The following SMYD3 variants were observed in gnomAD, a reference collection of about 807,000 sequenced individuals.
SMYD3 encodes histone-lysine N-methyltransferase SMYD3.
SMYD3 carries 36 observed loss-of-function variants against 57.7 expected under a neutral mutation model. The ratio of observed to expected loss-of-function variants is 0.62; its 90% CI spans 0.48 to 0.82. The LOEUF (loss-of-function observed/expected upper bound fraction) is 0.82. SMYD3 is among the 40% of genes least tolerant of loss of function. SMYD3 has a pLI of 0.00. For missense variants in SMYD3, 515 were observed against 538.8 expected (o/e 0.96, Z 0.44); for synonymous variants, 211 against 195.0 (o/e 1.08, Z -0.68).
intron 10 of SMYD3, among the ~76,000 whole-genome samples, chr1:245,798,524 T>C (rs1232491837): frequency 1.6e-5 from 2 of 125,836 alleles, no homozygotes; most frequent in African/African-American, 6.8e-5. Context: ...TTCCCCATGC[T>C]TAAGAGCCAC....
chr1:246,119,795 T>C (rs922282597), intron 5 of SMYD3, among the ~76,000 whole-genome samples: 2 of 152,196 alleles, frequency 1.3e-5, no homozygotes, highest in Admixed American at 6.5e-5. Context: ...TCTCCTGCCA[T>C]GTACGACATA....
chr1:246,205,027 T>C (rs909393331), intron 5 of SMYD3, among the ~76,000 whole-genome samples: 4 of 152,098 alleles, frequency 2.6e-5, no homozygotes, highest in Non-Finnish European at 5.9e-5. Context: ...CGGAGGGGGT[T>C]CCTTTGAACC....
intron 5 of SMYD3, among the ~76,000 whole-genome samples, chr1:245,984,111 T>TGC (rs2058655554): frequency 6.6e-6 from 1 of 151,754 alleles, no homozygotes; most frequent in Admixed American, 6.6e-5. Context: ...GCGATTCTCC[T>TGC]GCCTCAGCCA....
At chr1:246,404,872 G>A (rs1453262919) in intron 1 of SMYD3, among the ~76,000 whole-genome samples, 1 of 152,040 alleles carries the variant, frequency 6.6e-6, no homozygotes, top group Non-Finnish European at 1.5e-5. Context: ...AAAGTGCTTT[G>A]GGCAGTCCTG....
chr1:246,199,689 CAGG>C (rs2062879573), intron 5 of SMYD3, among the ~76,000 whole-genome samples: 2 of 152,274 alleles, frequency 1.3e-5, no homozygotes, highest in African/African-American at 4.8e-5. Flanking sequence ...GGATGCTTAC[CAGG>C]AGATCTTGAT....
At chr1:246,241,369 G>T (rs1014587043) in intron 5 of SMYD3, among the ~76,000 whole-genome samples, 4 of 152,114 alleles carry the variant, frequency 2.6e-5, no homozygotes, top group Non-Finnish European at 5.9e-5. Flanking sequence ...TTTGCCTTTG[G>T]TTCTGTTTAT....
chr1:246,250,592 G>A (rs1363847969), intron 5 of SMYD3, among the ~76,000 whole-genome samples: 1 of 152,138 alleles, frequency 6.6e-6, no homozygotes, highest in Non-Finnish European at 1.5e-5. Context: ...TGGTAGCAGA[G>A]TATCGTGTGT....
At chr1:246,154,408 T>G (rs1401878955) in intron 5 of SMYD3, among the ~76,000 whole-genome samples, 1 of 152,154 alleles carries the variant, frequency 6.6e-6, no homozygotes, top group Non-Finnish European at 1.5e-5. Flanking sequence ...GCTTCAGGGC[T>G]TAAGTCTTCA....
intron 1 of SMYD3, among the ~76,000 whole-genome samples, chr1:246,363,212 G>A (rs1195567300): frequency 2.0e-5 from 3 of 150,644 alleles, no homozygotes; most frequent in African/African-American, 7.3e-5. Flanking sequence ...GAAGTGAGGA[G>A]CGTCTCCGCC....
At chr1:246,246,401 A>AATATATTT (rs2063705481) in intron 5 of SMYD3, among the ~76,000 whole-genome samples, 1 of 152,176 alleles carries the variant, frequency 6.6e-6, no homozygotes. Flanking sequence ...CTGGAAAGTA[A>AATATATTT]GTCTATTTGA....
chr1:246,209,266 C>T (rs1558317140), intron 5 of SMYD3, among the ~76,000 whole-genome samples: 1 of 151,980 alleles, frequency 6.6e-6, no homozygotes, highest in Non-Finnish European at 1.5e-5. Flanking sequence ...AACTTCTGAA[C>T]AATTTGAAAT....
chr1:245,814,497 C>A, intron 10 of SMYD3: 1 of 691,876 alleles, frequency 1.4e-6, no homozygotes, highest in South Asian at 6.5e-5. Context: ...ACTGTTACAC[C>A]ACATACTTGT....
intron 5 of SMYD3, among the ~76,000 whole-genome samples, chr1:246,077,900 G>A (rs1336554684): frequency 1.3e-5 from 2 of 151,930 alleles, no homozygotes; most frequent in African/African-American, 2.4e-5. Context: ...GAAAACAATC[G>A]TTTGTCAAAT....
In SMYD3 at chr1:246,214,115, T is replaced by C. The variant is rs143834079; in HGVS notation, c.531+113086A>G. On this transcript the variant is annotated intron_variant, in intron 5 of 11. Transcript: ENST00000490107. ...TGCATCTGTTTGTTTACAGAAATGG[T>C]GGTATTGATCTAATGGAACACTGGA... Among the ~76,000 whole-genome samples, 120 of 152,288 alleles carry C rather than the reference T, an allele frequency of 7.9e-4. 2 individuals are homozygous for C. Among genetic ancestry groups the C allele is most frequent in the African/African-American group, 2.7e-3 (114 of 41,534 alleles).
intron 1 of SMYD3, among the ~76,000 whole-genome samples, chr1:246,420,732 A>C (rs549746379): frequency 6.6e-6 from 1 of 152,350 alleles, no homozygotes; most frequent in Admixed American, 6.5e-5. Context: ...AAAAAGTATT[A>C]AAATGGAAAT....
intron 5 of SMYD3, among the ~76,000 whole-genome samples, chr1:246,023,304 CTG>C (rs774251158): frequency 2.7e-4 from 41 of 152,318 alleles, no homozygotes; most frequent in Non-Finnish European, 5.0e-4. Context: ...CTGTGCATAA[CTG>C]TGGTCCTTCA....
chr1:246,131,953 G>C (rs962708391), intron 5 of SMYD3, among the ~76,000 whole-genome samples: 1 of 152,258 alleles, frequency 6.6e-6, no homozygotes, highest in East Asian at 1.9e-4. Flanking sequence ...GCACAATGAA[G>C]AAGCACAGGG....
intron 11 of SMYD3, among the ~76,000 whole-genome samples, chr1:245,754,822 G>A (rs1315017118): frequency 6.6e-6 from 1 of 152,226 alleles, no homozygotes; most frequent in Non-Finnish European, 1.5e-5. Flanking sequence ...GAGAAGCTCT[G>A]GCATAGTCAG....
At chr1:246,296,263 TACA>T (rs1475951562) in intron 5 of SMYD3, among the ~76,000 whole-genome samples, 3 of 152,314 alleles carry the variant, frequency 2.0e-5, no homozygotes, top group African/African-American at 7.2e-5. Context: ...TACTTGTTTC[TACA>T]ACGATTCAAG....
Sources: allele counts gnomAD v4.1 joint callset (sites outside exome capture counted in the v4.1 genomes callset), GRCh38; gene constraint gnomAD v4.1.1; transcripts MANE v1.5; gene names NCBI Gene and HGNC (gene_info 2026-07-23, HGNC 2026-07-21).